GABRR1: variants seen among roughly 807,000 people sequenced by gnomAD.
The protein encoded by GABRR1 is gamma-aminobutyric acid type A receptor subunit rho1.
Under a neutral mutation model 55.5 loss-of-function variants are expected in GABRR1, and 59 were observed. The observed-to-expected ratio is 1.06, with a 90% CI of 0.86 to 1.32. The LOEUF (loss-of-function observed/expected upper bound fraction) is 1.32. Ranked by LOEUF, GABRR1 falls within the 40% of genes most tolerant of loss-of-function variation. The pLI, the probability that GABRR1 is intolerant of heterozygous loss-of-function variation, is 0.00. For missense variants in GABRR1, 602 were observed against 619.1 expected (o/e 0.97, Z 0.29); for synonymous variants, 213 against 226.0 (o/e 0.94, Z 0.51).
chr6:89,229,446 A>G (rs1773249197), intron 1 of GABRR1, among the ~76,000 whole-genome samples: 1 of 148,594 alleles, frequency 6.7e-6, no homozygotes, highest in Non-Finnish European at 1.5e-5. Context: ...GAGCTCTTTT[A>G]GGGCAGGCCT....
chr6:89,213,956 A>G (rs1289267091), intron 1 of GABRR1, among the ~76,000 whole-genome samples: 1 of 16,868 alleles, frequency 5.9e-5, no homozygotes, highest in Non-Finnish European at 1.5e-4. Flanking sequence ...TTGAATCTGC[A>G]ACTTTATTGT....
intron 1 of GABRR1, among the ~76,000 whole-genome samples, chr6:89,207,225 C>T (rs1051356659): frequency 6.6e-6 from 1 of 151,916 alleles, no homozygotes; most frequent in Non-Finnish European, 1.5e-5. Context: ...GACAGGGTCT[C>T]ACTCTGTTGT....
chr6:89,192,837 G>A lies in GABRR1; in HGVS notation c.573-2590C>T, dbSNP rs116187673. ...AGCCTTCCAAAGGGCTGGGATTATA[G>A]GCCTGAGCCACCATGCCCGGCCTCA... On this transcript the variant is annotated intron_variant, in intron 5 of 9. Coordinates refer to ENST00000454853, the MANE Select transcript of GABRR1 (RefSeq NM_002042.5). Among the ~76,000 whole-genome samples the A allele has an allele frequency of 9.8e-3, 1,495 of 152,220 alleles. 20 individuals are homozygous for A. The highest frequency in any genetic ancestry group is 0.034 in the African/African-American group (1,401 of 41,534).
At chr6:89,226,536 G>T (rs1379721547) in intron 1 of GABRR1, among the ~76,000 whole-genome samples, 1 of 151,714 alleles carries the variant, frequency 6.6e-6, no homozygotes, top group Non-Finnish European at 1.5e-5. Context: ...TTTCCCCATT[G>T]CTTGTTTTCC....
chr6:89,193,851 G>C (rs1772178905), intron 5 of GABRR1, among the ~76,000 whole-genome samples: 1 of 152,130 alleles, frequency 6.6e-6, no homozygotes, highest in Non-Finnish European at 1.5e-5. Context: ...GGGCCACAGA[G>C]AAGTAGAAAA....
At chr6:89,194,294 C>G (rs755326625) in intron 5 of GABRR1, among the ~76,000 whole-genome samples, 2 of 152,158 alleles carry the variant, frequency 1.3e-5, no homozygotes, top group Non-Finnish European at 2.9e-5. Flanking sequence ...GGACCTCCCC[C>G]ATTCGGGACT....
chr6:89,214,331 T>C (rs1439370518), intron 1 of GABRR1, among the ~76,000 whole-genome samples: 2 of 80,532 alleles, frequency 2.5e-5, no homozygotes, highest in East Asian at 2.3e-4. Context: ...TTACACAATA[T>C]TGGTCTAGGC....
intron 5 of GABRR1, among the ~76,000 whole-genome samples, chr6:89,193,581 A>G (rs1328753755): frequency 1.3e-5 from 2 of 152,118 alleles, no homozygotes; most frequent in African/African-American, 4.8e-5. Flanking sequence ...GGTGCACTGG[A>G]CTGGACTTCT....
At chr6:89,229,164 A>G (rs1234673214) in intron 1 of GABRR1, among the ~76,000 whole-genome samples, 1 of 152,028 alleles carries the variant, frequency 6.6e-6, no homozygotes, top group South Asian at 2.1e-4. Flanking sequence ...GTCTCTGCAC[A>G]TGAGATGGGT....
chr6:89,200,216 T>C (rs1772420338), intron 3 of GABRR1, among the ~76,000 whole-genome samples: 1 of 149,296 alleles, frequency 6.7e-6, no homozygotes, highest in Non-Finnish European at 1.5e-5. Flanking sequence ...GAAAAATAAA[T>C]GGCAAGATAA....
chr6:89,220,780 G>A (rs1236024575), upstream of GABRR1, among the ~76,000 whole-genome samples: 1 of 152,066 alleles, frequency 6.6e-6, no homozygotes, highest in East Asian at 1.9e-4. Context: ...GAGTGCAATG[G>A]CATGATCTCA....
chr6:89,182,165 T>C (rs1771750618), intron 7 of GABRR1, 108 bp from the exon 8 acceptor site: 1 of 1,023,368 alleles, frequency 9.8e-7, no homozygotes, highest in Admixed American at 2.3e-5. Context: ...ACTCTTATCA[T>C]GTCTTTATAA....
intron 1 of GABRR1, among the ~76,000 whole-genome samples, chr6:89,225,123 C>T (rs1773178288): frequency 6.6e-6 from 1 of 152,120 alleles, no homozygotes; most frequent in Non-Finnish European, 1.5e-5. Context: ...GATTTAAGTC[C>T]TTGATACATT....
At position 89,177,644 on chromosome 6, in the gene GABRR1, T is replaced by C. The variant is rs1401967542; in HGVS notation, c.*1126A>G. 1.3e-5 allele frequency: 2 copies of C among 152,220 alleles called. No individual in the cohort carries two copies. The highest frequency in any genetic ancestry group is 2.4e-5 in the African/African-American group (1 of 41,456). 9.4% of individuals were successfully genotyped at this position (152,220 alleles called of 1,614,324 possible). A position where few individuals can be genotyped will look rare whatever the true frequency, so the allele number is the denominator to read the frequency against. On this transcript the variant is annotated 3_prime_UTR_variant, in exon 10 of 10. Coordinates refer to ENST00000454853, the MANE Select transcript of GABRR1 (RefSeq NM_002042.5). ...AGTGATACACCAGATTAGAACCCTC[T>C]CCTTTACCCCATGCCCTGACATCAG...
intron 1 of GABRR1, chr6:89,204,523 G>T: frequency 1.5e-6 from 1 of 652,542 alleles, no homozygotes; most frequent in Non-Finnish European, 2.2e-6. Flanking sequence ...CCCCTACATG[G>T]GCACCTAAAA....
intron 5 of GABRR1, among the ~76,000 whole-genome samples, chr6:89,196,918 C>A (rs2127797807): frequency 6.6e-6 from 1 of 150,500 alleles, no homozygotes; most frequent in Non-Finnish European, 1.5e-5. Context: ...AAAAATCTGC[C>A]TCAGAAATGA....
At chr6:89,202,700 T>G (rs890555956) in intron 2 of GABRR1, among the ~76,000 whole-genome samples, 1 of 151,920 alleles carries the variant, frequency 6.6e-6, no homozygotes, top group African/African-American at 2.4e-5. Flanking sequence ...TATTTTTTAT[T>G]TATTTATTTA....
At chr6:89,195,718 T>A (rs1772246231) in intron 5 of GABRR1, among the ~76,000 whole-genome samples, 1 of 152,222 alleles carries the variant, frequency 6.6e-6, no homozygotes, top group African/African-American at 2.4e-5. Flanking sequence ...TTCCTAAGTA[T>A]TTCACCACAT....
In GABRR1 at chr6:89,217,250, T is replaced by C. The variant is rs1773016160; in HGVS notation, c.73A>G (p.Arg25Gly). ...ACTTCTCTTCCGGGCCAGTGCATTC[T>C]GCTTTCAGTGGCCAAAACCCATCCC... ...WWGWVLATES[R>G]MHWPGREVHE... The change falls in exon 1 of 10, where the codon AGA (arginine) becomes GGA (glycine). Residue 25 changes from arginine to glycine, a missense_variant. Physicochemically the swap from Arg to Gly is moderately radical, Grantham distance 125. Coordinates refer to ENST00000454853, the MANE Select transcript of GABRR1 (RefSeq NM_002042.5). 2 of 1,614,010 alleles carry C rather than the reference T, an allele frequency of 1.2e-6. No homozygotes were observed. Among genetic ancestry groups the C allele is most frequent in the Admixed American group, 1.7e-5 (1 of 60,000 alleles).
Sources: allele counts gnomAD v4.1 joint callset (sites outside exome capture counted in the v4.1 genomes callset), GRCh38; gene constraint gnomAD v4.1.1; transcripts MANE v1.5; gene names NCBI Gene and HGNC (gene_info 2026-07-23, HGNC 2026-07-21).